The following CCZ1B variants were observed in gnomAD, a reference collection of about 807,000 sequenced individuals.
CCZ1B encodes the protein vacuolar fusion protein CCZ1 homolog B.
In CCZ1B, 25 loss-of-function variants were observed where a neutral mutation model predicts 58.8. The observed-to-expected ratio is 0.43, with a 90% CI of 0.31 to 0.59. The LOEUF (loss-of-function observed/expected upper bound fraction) is 0.59, where lower values mean the gene tolerates loss of function less well. CCZ1B is among the 20% of genes least tolerant of loss of function. The pLI, the probability that CCZ1B is intolerant of heterozygous loss-of-function variation, is 0.12. For missense variants in CCZ1B, 180 were observed against 501.5 expected, an observed-to-expected ratio of 0.36 and a Z score of 6.12; for synonymous variants, 66 against 173.2, an observed-to-expected ratio of 0.38 and a Z score of 4.86.
At chr7:6,817,744 G>A (rs1783029336) in intron 7 of CCZ1B, among the ~76,000 whole-genome samples, 1 of 149,942 alleles carries the variant, frequency 6.7e-6, no homozygotes, top group Non-Finnish European at 1.5e-5. Context: ...GCCGGGCACA[G>A]TGGCTCACAC....
At position 6,819,401 on chromosome 7, in the gene CCZ1B, A is replaced by G. The variant is rs535732404; in HGVS notation, c.698+365T>C. ...CAGGCATGCACCACCACGCCCAGCT[A>G]ATTTTTGTATTTTTAGTAGAGACAG... On this transcript the variant is annotated intron_variant, in intron 7 of 14. Transcript: ENST00000316731. 2.0e-4 allele frequency among the ~76,000 whole-genome samples: 30 copies of G among 148,208 alleles called. 2 individuals are homozygous for G. In the South Asian group the frequency reaches 3.4e-3, roughly 17 times the overall value.
At chr7:6,824,375 CT>C in intron 3 of CCZ1B, 79 bp downstream of exon 3, 5 of 1,461,092 alleles carry the variant, frequency 3.4e-6, no homozygotes, top group Non-Finnish European at 4.5e-6. Flanking sequence ...AGCCAGAGAA[CT>C]TTCCTAAATT....
Position 6,812,717 on chromosome 7 carries a change from G to A in CCZ1B, c.842+259C>T, listed in dbSNP as rs1782937945. ...GCAGGTGGATCACTTGAAGTCAGGA[G>A]TTCAAGACCAGCCTGGCCAACATGA... On this transcript the variant is annotated intron_variant, in intron 9 of 14. Transcript: ENST00000316731. Among the ~76,000 whole-genome samples the A allele has an allele frequency of 2.0e-5, 3 of 151,838 alleles. No homozygotes were observed. In the South Asian group the frequency reaches 6.2e-4, roughly 31 times the overall value.
intron 6 of CCZ1B, among the ~76,000 whole-genome samples, chr7:6,821,361 AAC>A: frequency 6.6e-6 from 1 of 151,952 alleles, no homozygotes; most frequent in Non-Finnish European, 1.5e-5. Flanking sequence ...TACTCAGGAC[AAC>A]AGTTCTATCC....
At chr7:6,800,392 G>A (rs1186489039) in intron 14 of CCZ1B, among the ~76,000 whole-genome samples, 2 of 132,936 alleles carry the variant, frequency 1.5e-5, no homozygotes, top group Admixed American at 7.8e-5. Context: ...TGGGCAAGGT[G>A]GCTCACGCCT....
At chr7:6,819,064 C>T (rs1385464155) in intron 7 of CCZ1B, among the ~76,000 whole-genome samples, 2 of 128,048 alleles carry the variant, frequency 1.6e-5, no homozygotes, top group East Asian at 2.4e-4. Flanking sequence ...GCGGGTGGAT[C>T]GCTTGAGGCC....
At chr7:6,818,260 G>A (rs550503958) in intron 7 of CCZ1B, among the ~76,000 whole-genome samples, 4 of 149,784 alleles carry the variant, frequency 2.7e-5, no homozygotes, top group East Asian at 1.9e-4. Flanking sequence ...ATTAAGAAAC[G>A]GGGCTAGGCC....
chr7:6,817,126 C>T (rs368492573), intron 7 of CCZ1B, among the ~76,000 whole-genome samples: 318 of 152,382 alleles, frequency 2.1e-3, no homozygotes, highest in Non-Finnish European at 3.4e-3. Flanking sequence ...CCTTTCCCCA[C>T]GAGCACACTG....
At chr7:6,801,103 G>T in intron 13 of CCZ1B, 28 bp from the exon 14 acceptor site, 1 of 1,346,464 alleles carries the variant, frequency 7.4e-7, no homozygotes, top group Non-Finnish European at 9.7e-7. Flanking sequence ...AAATGCAATT[G>T]TTCGTTACTC....
chr7:6,822,918 C>G (rs916634037), intron 5 of CCZ1B, among the ~76,000 whole-genome samples: 6 of 145,970 alleles, frequency 4.1e-5, no homozygotes, highest in Non-Finnish European at 7.5e-5. Context: ...ATTGCCCAGA[C>G]TGGTCCTGAA....
intron 12 of CCZ1B, among the ~76,000 whole-genome samples, chr7:6,802,360 GCCCCT>G (rs1313085788): frequency 3.1e-4 from 17 of 54,174 alleles, no homozygotes; most frequent in African/African-American, 1.1e-3. Context: ...TGCTCCTGGG[GCCCCT>G]CCCCTCCCCT....
intron 10 of CCZ1B, among the ~76,000 whole-genome samples, chr7:6,810,063 GCA>G: frequency 6.6e-6 from 1 of 150,782 alleles, no homozygotes; most frequent in East Asian, 1.9e-4. Context: ...CCAGACTGGA[GCA>G]CAGTGGCGTA....
intron 4 of CCZ1B, among the ~76,000 whole-genome samples, 155 bp from the exon 5 acceptor site, chr7:6,823,515 CTTTTTTTTTT>C (rs897480782): frequency 9.5e-6 from 1 of 104,884 alleles, no homozygotes; most frequent in Non-Finnish European, 1.9e-5. Flanking sequence ...TGTTTGCGTT[CTTTTTTTTTT>C]TTTTTTTTTT....
chr7:6,818,643 A>AGAC (rs1562431313), intron 7 of CCZ1B, among the ~76,000 whole-genome samples: 7 of 142,324 alleles, frequency 4.9e-5, no homozygotes, highest in African/African-American at 1.4e-4. Context: ...ACAAGAAAGA[A>AGAC]AGAAAGACAG....
intron 8 of CCZ1B, among the ~76,000 whole-genome samples, chr7:6,813,962 A>T: frequency 6.7e-6 from 1 of 148,490 alleles, no homozygotes; most frequent in South Asian, 2.1e-4. Flanking sequence ...CCTGGCCAAC[A>T]TGGTGAAACT....
intron 8 of CCZ1B, among the ~76,000 whole-genome samples, chr7:6,814,353 A>G (rs996614650): frequency 4.7e-5 from 7 of 148,970 alleles, no homozygotes; most frequent in Non-Finnish European, 7.4e-5. Context: ...TGGCCAACAT[A>G]GTGAAACCTG....
At chr7:6,809,424 A>G (rs1169825953) in intron 10 of CCZ1B, among the ~76,000 whole-genome samples, 1 of 145,022 alleles carries the variant, frequency 6.9e-6, no homozygotes, top group Non-Finnish European at 1.5e-5. Flanking sequence ...ACACCCCACA[A>G]TATGTCTGTA....
At position 6,815,988 on chromosome 7, in the gene CCZ1B, C is replaced by T. The variant is rs549273551; in HGVS notation, c.699-1143G>A. ...GAAATGTACATGGATTTTAATTCTC[C>T]GGATCTTCGGTGAAGAAAGAGGAGG... On this transcript the variant is annotated intron_variant, in intron 7 of 14. Transcript: ENST00000316731. 6.9e-3 allele frequency among the ~76,000 whole-genome samples: 1,001 copies of T among 144,842 alleles called. 45 individuals carry two copies. The highest frequency in any genetic ancestry group is 0.025 in the African/African-American group (937 of 37,290).
chr7:6,818,457 G>T (rs1350945245), intron 7 of CCZ1B, among the ~76,000 whole-genome samples: 1 of 149,352 alleles, frequency 6.7e-6, no homozygotes, highest in East Asian at 1.9e-4. Context: ...GCTGAGGCAG[G>T]AGAATCGCTT....
Sources: gnomAD v4.1 joint callset for allele counts (sites outside exome capture counted in the v4.1 genomes callset) on GRCh38, gnomAD v4.1.1 for gene constraint, MANE v1.5 for transcripts, NCBI Gene and HGNC (gene_info 2026-07-23, HGNC 2026-07-21) for gene names.